GABBR1: variants seen among roughly 807,000 people sequenced by gnomAD.
The protein encoded by GABBR1 is gamma-aminobutyric acid type B receptor subunit 1, also known as GABA-B receptor, R1 subunit.
A neutral mutation model predicts 117.7 loss-of-function variants in GABBR1; 35 were observed. The observed-to-expected ratio is 0.30, with a 90% CI of 0.23 to 0.39. The LOEUF (loss-of-function observed/expected upper bound fraction) is 0.39. Ranked by LOEUF, GABBR1 falls within the 10% of genes least tolerant of loss-of-function variation. The pLI is 1.00. For missense variants in GABBR1, 709 were observed against 1,241.8 expected, an observed-to-expected ratio of 0.57 and a Z score of 6.45; for synonymous variants, 442 against 486.6, an observed-to-expected ratio of 0.91 and a Z score of 1.21.
Position 29,632,259 on chromosome 6 carries a change from G to A in GABBR1, c.85+42C>T. On this transcript the variant is annotated intron_variant, in intron 2 of 22. Transcript: ENST00000377034. This position sits in a 1 kb window ranked among gnomAD's most constrained non-coding sequence, Gnocchi z 5.8. ...AATGAGGAGATGCAGGGAAAGGGAA[G>A]TGGAGCGAAGGAGGGCCGGAGGTCG... is the stretch of plus-strand genomic sequence containing the variant. 1 of 1,163,384 alleles carries A rather than the reference G, an allele frequency of 8.6e-7. No homozygotes were observed. The highest frequency in any genetic ancestry group is 3.5e-5 in the Admixed American group (1 of 28,448). 72.1% of individuals were successfully genotyped at this position (1,163,384 alleles called of 1,614,324 possible).
chr6:29,606,232 A>C lies in GABBR1; in HGVS notation c.2311+159T>G, dbSNP rs1018982714. The C allele has an allele frequency of 1.1e-5, 7 of 649,514 alleles. No homozygotes were observed. Among genetic ancestry groups the C allele is most frequent in the Non-Finnish European group, 1.9e-5 (7 of 360,464 alleles). The allele number at this position is 649,514 out of a possible 1,614,324, so 40.2% of individuals were successfully genotyped here. A position where few individuals can be genotyped will look rare whatever the true frequency, so the allele number is the denominator to read the frequency against. ...AAAAGAGCAACTCTCCCCTATTCTC[A>C]GAAAAGATTAGTGCAATAACAAAGA... On this transcript the variant is annotated intron_variant, in intron 19 of 22. Coordinates refer to ENST00000377034, the MANE Select transcript of GABBR1 (RefSeq NM_001470.4). This position sits in a 1 kb window ranked among gnomAD's most constrained non-coding sequence, Gnocchi z 4.5.
chr6:29,628,396 G>GC, intron 5 of GABBR1, among the ~76,000 whole-genome samples: 1 of 152,226 alleles, frequency 6.6e-6, no homozygotes, highest in East Asian at 1.9e-4. Context: ...AACGGGGCTG[G>GC]CGCCTGAGGT....
chr6:29,621,934 C>A lies in GABBR1; in HGVS notation c.1066-117G>T. On this transcript the variant is annotated intron_variant, in intron 9 of 22. Transcript: ENST00000377034. This position sits in a 1 kb window ranked among gnomAD's most constrained non-coding sequence, Gnocchi z 5.0. ...AAAGTGCTTAGTGCAGGGTAACGCT[C>A]AACGTATAGTGAATAAACGTCAACT... 9.0e-7 allele frequency: 1 copy of A among 1,113,064 alleles called. No individual in the cohort carries two copies. Among genetic ancestry groups the A allele is most frequent in the Admixed American group, 2.0e-5 (1 of 50,878 alleles). 68.9% of individuals were successfully genotyped at this position (1,113,064 alleles called of 1,614,324 possible).
Position 29,605,300 on chromosome 6 carries a change from CA to C in GABBR1, c.2439+268del. 2 of 565,664 alleles carry C rather than the reference CA, an allele frequency of 3.5e-6. No homozygotes were observed. Among genetic ancestry groups the C allele is most frequent in the East Asian group, 5.8e-5 (2 of 34,196 alleles). 35.0% of individuals were successfully genotyped at this position (565,664 alleles called of 1,614,324 possible). A position where few individuals can be genotyped will look rare whatever the true frequency, so the allele number is the denominator to read the frequency against. On this transcript the variant is annotated intron_variant, in intron 20 of 22. Transcript: ENST00000377034. The surrounding 1 kb of genome is among the most constrained non-coding windows in gnomAD (Gnocchi z 4.2). ...TAGAGTCCAGCCCATTAACCACAGA[CA>C]AGCAATTTAACGTCTCTGTGTTTCT...
In GABBR1 at chr6:29,603,447, C is replaced by T. The variant is rs1314176860; in HGVS notation, c.*96G>A. On this transcript the variant is annotated 3_prime_UTR_variant, in exon 23 of 23. Transcript: ENST00000377034. ...AGATGAGATTGGATAGCATGTTCTT[C>T]CCAGCTGGGGATGGGGACCCCCTGC... The T allele has an allele frequency of 9.8e-7, 1 of 1,020,962 alleles. No homozygotes were observed. Among genetic ancestry groups the T allele is most frequent in the African/African-American group, 1.6e-5 (1 of 62,794 alleles). 63.2% of individuals were successfully genotyped at this position (1,020,962 alleles called of 1,614,324 possible).
intron 11 of GABBR1, among the ~76,000 whole-genome samples, chr6:29,617,806 C>A (rs888560016): frequency 6.6e-6 from 1 of 152,140 alleles, no homozygotes; most frequent in Non-Finnish European, 1.5e-5. Flanking sequence ...TGATATCGAT[C>A]CCTCCTTACA....
chr6:29,632,442 CGGA>C lies in GABBR1; in HGVS notation c.1-60_1-58del, dbSNP rs1418813142. 1.6e-6 allele frequency: 2 copies of C among 1,271,552 alleles called. No individual in the cohort carries two copies. Among genetic ancestry groups the C allele is most frequent in the Non-Finnish European group, 2.0e-6 (2 of 977,334 alleles). 78.8% of individuals were successfully genotyped at this position (1,271,552 alleles called of 1,614,324 possible). A position where few individuals can be genotyped will look rare whatever the true frequency, so the allele number is the denominator to read the frequency against. Reference sequence around the variant, plus strand: ...GAGCCCCGCCGGCGCGGCCCGCACCCGGAGACTACTCGACCTCTTGCCGGTTGC... The same window carrying C: ...GAGCCCCGCCGGCGCGGCCCGCACCCGACTACTCGACCTCTTGCCGGTTGC... On this transcript the variant is annotated intron_variant, in intron 1 of 22. Coordinates refer to ENST00000377034, the MANE Select transcript of GABBR1 (RefSeq NM_001470.4). This position sits in a 1 kb window ranked among gnomAD's most constrained non-coding sequence, Gnocchi z 5.8.
Position 29,606,029 on chromosome 6 carries a change from T to C in GABBR1, c.2312-333A>G. On this transcript the variant is annotated intron_variant, in intron 19 of 22. Transcript: ENST00000377034. The surrounding 1 kb of genome is among the most constrained non-coding windows in gnomAD (Gnocchi z 4.5). ...TACCCTACAGGTGGGAAGGTGGCTTTCCAGGCAGAGGGTAGGTTTGCAATT... is the reference window on the plus strand; with the variant it reads ...TACCCTACAGGTGGGAAGGTGGCTTCCCAGGCAGAGGGTAGGTTTGCAATT... 1.9e-6 allele frequency: 1 copy of C among 516,020 alleles called. No homozygotes were observed. The highest frequency in any genetic ancestry group is 3.4e-6 in the Non-Finnish European group (1 of 289,926). The allele number at this position is 516,020 out of a possible 1,614,324, so 32.0% of individuals were successfully genotyped here. A position where few individuals can be genotyped will look rare whatever the true frequency, so the allele number is the denominator to read the frequency against.
In GABBR1 at chr6:29,606,263, G is replaced by A; in HGVS notation, c.2311+128C>T. ...GATTAGTGCAATAACAAAGAGTAGG[G>A]TGTTCAAACTGGGTTGACAAGCTCT... On this transcript the variant is annotated intron_variant, in intron 19 of 22. Transcript: ENST00000377034. The surrounding 1 kb of genome is among the most constrained non-coding windows in gnomAD (Gnocchi z 4.5). 1 of 710,934 alleles carries A rather than the reference G, an allele frequency of 1.4e-6. No homozygotes were observed. Among genetic ancestry groups the A allele is most frequent in the South Asian group, 1.6e-5 (1 of 63,260 alleles). The allele number at this position is 710,934 out of a possible 1,614,324, so 44.0% of individuals were successfully genotyped here. A position where few individuals can be genotyped will look rare whatever the true frequency, so the allele number is the denominator to read the frequency against.
In GABBR1 at chr6:29,606,382, C is replaced by G. The variant is rs763278010; in HGVS notation, c.2311+9G>C. The G allele has an allele frequency of 3.1e-6, 5 of 1,606,690 alleles. No homozygotes were observed. In the South Asian group the frequency reaches 5.5e-5, roughly 18 times the overall value. ...CATCCCTGCCCTCCTTTGCCCACATCCCACACACCAAGCCATGTATTCATC... is the reference window on the plus strand; with the variant it reads ...CATCCCTGCCCTCCTTTGCCCACATGCCACACACCAAGCCATGTATTCATC... On this transcript the variant is annotated intron_variant, in intron 19 of 22. Coordinates refer to ENST00000377034, the MANE Select transcript of GABBR1 (RefSeq NM_001470.4). This position sits in a 1 kb window ranked among gnomAD's most constrained non-coding sequence, Gnocchi z 4.5.
rs1762045978 is a variant in GABBR1, at chr6:29,607,156, A to G, written c.2055T>C (p.Ile685=). ...TTGTGAAGACCGTGTGGACCCACCA[A>G]ATCTTGGTGAACATGGAACCGTAGC... ...SLGYGSMFTK[I]WWVHTVFTKK... The change falls in exon 17 of 23, where the codon ATT becomes ATC. Residue 685 remains isoleucine (I), a synonymous_variant. Transcript: ENST00000377034. The surrounding 1 kb of genome is among the most constrained non-coding windows in gnomAD (Gnocchi z 5.0). The G allele has an allele frequency of 6.2e-7, 1 of 1,614,050 alleles. No individual in the cohort carries two copies. Among genetic ancestry groups the G allele is most frequent in the South Asian group, 1.1e-5 (1 of 91,084 alleles).
At chr6:29,625,206 G>A (rs1246914144) in intron 6 of GABBR1, among the ~76,000 whole-genome samples, 1 of 152,016 alleles carries the variant, frequency 6.6e-6, no homozygotes, top group African/African-American at 2.4e-5. Flanking sequence ...AACATTGGAA[G>A]GTTTTCTCTT....
At position 29,622,254 on chromosome 6, in the gene GABBR1, G is replaced by T; in HGVS notation, c.964-49C>A. 1 of 1,255,660 alleles carries T rather than the reference G, an allele frequency of 8.0e-7. No homozygotes were observed. The allele number at this position is 1,255,660 out of a possible 1,614,324, so 77.8% of individuals were successfully genotyped here. A position where few individuals can be genotyped will look rare whatever the true frequency, so the allele number is the denominator to read the frequency against. On this transcript the variant is annotated intron_variant, in intron 8 of 22. Transcript: ENST00000377034. The surrounding 1 kb of genome is among the most constrained non-coding windows in gnomAD (Gnocchi z 4.6). ...TTGGAAAAACACGGGGTGCATGAGG[G>T]AATAAAGACCAGAGAGGTTAACTGG...
In GABBR1 at chr6:29,627,778, G is replaced by A. The variant is rs559736409; in HGVS notation, c.497-132C>T. On this transcript the variant is annotated intron_variant, in intron 5 of 22. Coordinates refer to ENST00000377034, the MANE Select transcript of GABBR1 (RefSeq NM_001470.4). This position sits in a 1 kb window ranked among gnomAD's most constrained non-coding sequence, Gnocchi z 4.4. Reference sequence around the variant, plus strand: ...TGGCCACCCCACCCGGGCAAAAGGGGCCCCGGGCCCCATGGCGTGGGGGGC... The same window carrying A: ...TGGCCACCCCACCCGGGCAAAAGGGACCCCGGGCCCCATGGCGTGGGGGGC... 1.4e-6 allele frequency: 2 copies of A among 1,458,698 alleles called. No homozygotes were observed. The highest frequency in any genetic ancestry group is 2.8e-5 in the South Asian group (2 of 71,538). 90.4% of individuals were successfully genotyped at this position (1,458,698 alleles called of 1,614,324 possible).
In GABBR1 at chr6:29,623,608, T is replaced by A; in HGVS notation, c.793-133A>T. 1 of 896,668 alleles carries A rather than the reference T, an allele frequency of 1.1e-6. No homozygotes were observed. The highest frequency in any genetic ancestry group is 1.7e-6 in the Non-Finnish European group (1 of 596,996). The allele number at this position is 896,668 out of a possible 1,614,324, so 55.5% of individuals were successfully genotyped here. A position where few individuals can be genotyped will look rare whatever the true frequency, so the allele number is the denominator to read the frequency against. ...TCTCTCCAAACCTCCCCACCTCTGG[T>A]CTGCCTAAGGAAAAGAGATTCTCAA... On this transcript the variant is annotated intron_variant, in intron 7 of 22. Transcript: ENST00000377034. This position sits in a 1 kb window ranked among gnomAD's most constrained non-coding sequence, Gnocchi z 6.2.
intron 4 of GABBR1, 145 bp from the exon 5 acceptor site, chr6:29,629,252 G>T (rs1764712894): frequency 1.1e-6 from 1 of 881,120 alleles, no homozygotes. Flanking sequence ...GGGTGCCTGG[G>T]GATAAGAACA....
chr6:29,631,698 T>A lies in GABBR1; in HGVS notation c.86-99A>T. 9.9e-7 allele frequency: 1 copy of A among 1,006,454 alleles called. No individual in the cohort carries two copies. Among genetic ancestry groups the A allele is most frequent in the Non-Finnish European group, 1.5e-6 (1 of 651,128 alleles). The allele number at this position is 1,006,454 out of a possible 1,614,324, so 62.3% of individuals were successfully genotyped here. A position where few individuals can be genotyped will look rare whatever the true frequency, so the allele number is the denominator to read the frequency against. The stretch of plus-strand genomic sequence containing the variant: ...GAAGGGGAGAGTAGGGCGTGGTCTG[T>A]GGGCAGGCTGGGGACAGAGGAAGAG... On this transcript the variant is annotated intron_variant, in intron 2 of 22. Transcript: ENST00000377034. This position sits in a 1 kb window ranked among gnomAD's most constrained non-coding sequence, Gnocchi z 5.9.
intron 11 of GABBR1, among the ~76,000 whole-genome samples, chr6:29,617,686 T>G (rs1763296671): frequency 6.6e-6 from 1 of 152,010 alleles, no homozygotes. Flanking sequence ...TGAAGCTCAA[T>G]TTTTTCTTAC....
rs761591060 is a variant in GABBR1 at position 29,627,936 on chromosome 6, A to T, written c.497-290T>A. Reference sequence around the variant, plus strand: ...GAGGGGGCGAGGGCCCCGGAGAAGCAGGGAAGGTTGGCTTCCTACGGCCCC... The same window carrying T: ...GAGGGGGCGAGGGCCCCGGAGAAGCTGGGAAGGTTGGCTTCCTACGGCCCC... On this transcript the variant is annotated intron_variant, in intron 5 of 22. Transcript: ENST00000377034. The surrounding 1 kb of genome is among the most constrained non-coding windows in gnomAD (Gnocchi z 4.4). 7.4e-7 allele frequency: 1 copy of T among 1,356,390 alleles called. No individual in the cohort carries two copies. The highest frequency in any genetic ancestry group is 9.4e-7 in the Non-Finnish European group (1 of 1,063,684). The allele number at this position is 1,356,390 out of a possible 1,614,324, so 84.0% of individuals were successfully genotyped here.
Sources: gnomAD v4.1 joint callset for allele counts (sites outside exome capture counted in the v4.1 genomes callset) on GRCh38, gnomAD v4.1.1 for gene constraint, Gnocchi (gnomAD v3.1) non-coding constraint, MANE v1.5 for transcripts, NCBI Gene and HGNC (gene_info 2026-07-23, HGNC 2026-07-21) for gene names.